PCDH9: variants seen among roughly 807,000 people sequenced by gnomAD.
The protein encoded by PCDH9 is protocadherin-9.
PCDH9 carries 24 observed loss-of-function variants against 70.6 expected under a neutral mutation model. That is an observed-to-expected ratio of 0.34 (90% CI 0.25 to 0.48). The LOEUF (loss-of-function observed/expected upper bound fraction) is 0.48. Ranked by LOEUF, PCDH9 falls within the 20% of genes least tolerant of loss-of-function variation. The pLI is 0.99. For synonymous variants in PCDH9, 562 were observed against 558.5 expected (o/e 1.01, Z -0.09); for missense variants, 1,281 against 1,503.6 (o/e 0.85, Z 2.45).
At chr13:67,052,313 G>A (rs1368114652) in intron 2 of PCDH9, among the ~76,000 whole-genome samples, 4 of 152,080 alleles carry the variant, frequency 2.6e-5, no homozygotes, top group African/African-American at 9.7e-5. Context: ...AGGGGTTAGG[G>A]AAAGGAAAGG....
intron 2 of PCDH9, among the ~76,000 whole-genome samples, chr13:67,135,900 A>G (rs189389957): frequency 6.6e-6 from 1 of 152,186 alleles, no homozygotes; most frequent in Admixed American, 6.6e-5. Context: ...ACCTTCATTT[A>G]CAATAACATA....
intron 2 of PCDH9, among the ~76,000 whole-genome samples, chr13:67,066,083 C>T (rs1306939610): frequency 6.6e-6 from 1 of 151,954 alleles, no homozygotes; most frequent in East Asian, 1.9e-4. Flanking sequence ...ATTTAGTTTT[C>T]AAAAATGATA....
chr13:66,636,199 A>G (rs1364545400), intron 3 of PCDH9, among the ~76,000 whole-genome samples: 1 of 152,150 alleles, frequency 6.6e-6, no homozygotes, highest in East Asian at 1.9e-4. Context: ...CCACACTAAA[A>G]TTTCAACACA....
intron 2 of PCDH9, among the ~76,000 whole-genome samples, chr13:66,976,568 A>G (rs1043318175): frequency 1.3e-5 from 2 of 152,120 alleles, no homozygotes; most frequent in Non-Finnish European, 2.9e-5. Flanking sequence ...CATACATACA[A>G]TATTTTACTG....
intron 2 of PCDH9, among the ~76,000 whole-genome samples, chr13:67,188,948 C>T (rs911488148): frequency 2.0e-5 from 3 of 152,016 alleles, no homozygotes; most frequent in Non-Finnish European, 4.4e-5. Flanking sequence ...TCCCACCACC[C>T]TTTTCCCCTG....
intron 3 of PCDH9, among the ~76,000 whole-genome samples, chr13:66,712,813 AG>A (rs1262085083): frequency 1.3e-5 from 2 of 152,310 alleles, no homozygotes; most frequent in African/African-American, 4.8e-5. Context: ...TGCACAAACT[AG>A]AAAAGCATAT....
Position 66,712,672 on chromosome 13 carries a change from T to C in PCDH9, c.3139-81261A>G, listed in dbSNP as rs913920183. On this transcript the variant is annotated intron_variant, in intron 3 of 4. Coordinates refer to ENST00000377865, the MANE Select transcript of PCDH9 (RefSeq NM_203487.3). Reference sequence around the variant, plus strand: ...TCATACTGGAAATTATACTGTCAGGTGATTGTCCAATTTTTATTTTCTATT... The same window carrying C: ...TCATACTGGAAATTATACTGTCAGGCGATTGTCCAATTTTTATTTTCTATT... Among the ~76,000 whole-genome samples the C allele has an allele frequency of 7.2e-5, 11 of 152,284 alleles. No individual in the cohort carries two copies. In the East Asian group the frequency reaches 2.1e-3, roughly 29 times the overall value.
chr13:66,649,157 G>T (rs1040342940), intron 3 of PCDH9, among the ~76,000 whole-genome samples: 3 of 152,090 alleles, frequency 2.0e-5, no homozygotes, highest in African/African-American at 7.2e-5. Context: ...GATAATTACT[G>T]TAAACTTCCC....
chr13:67,107,770 C>T (rs921041378), intron 2 of PCDH9, among the ~76,000 whole-genome samples: 1 of 152,184 alleles, frequency 6.6e-6, no homozygotes, highest in African/African-American at 2.4e-5. Context: ...ACAAACAGGG[C>T]TGAAATGCCC....
intron 4 of PCDH9, among the ~76,000 whole-genome samples, chr13:66,424,415 G>A (rs1957628613): frequency 6.6e-6 from 1 of 152,036 alleles, no homozygotes; most frequent in African/African-American, 2.4e-5. Flanking sequence ...CCTTTCCCTA[G>A]AGTTATTTAA....
intron 2 of PCDH9, chr13:67,214,954 A>ATATATATATATATATATATATG (rs2089563714): frequency 1.4e-5 from 1 of 72,270 alleles, no homozygotes; most frequent in Non-Finnish European, 3.0e-5. Context: ...ATATATATAT[A>ATATATATATATATATATATATG]TATATATATA....
chr13:66,426,276 A>C (rs1957668694), intron 4 of PCDH9, among the ~76,000 whole-genome samples: 1 of 151,636 alleles, frequency 6.6e-6, no homozygotes, highest in South Asian at 2.1e-4. Context: ...ATGGTAGTAC[A>C]ACCTAATGAG....
At chr13:66,889,055 T>C (rs915819236) in intron 3 of PCDH9, among the ~76,000 whole-genome samples, 6 of 152,242 alleles carry the variant, frequency 3.9e-5, no homozygotes, top group Admixed American at 3.9e-4. Flanking sequence ...GCCTTCCTCC[T>C]GCCTGTGCGG....
intron 2 of PCDH9, chr13:67,222,407 G>A (rs2089750632): frequency 6.6e-6 from 1 of 151,984 alleles, no homozygotes; most frequent in Non-Finnish European, 1.5e-5. Context: ...AGTGAATGAG[G>A]AATATGATTT....
At chr13:66,909,637 C>T (rs570318618) in intron 2 of PCDH9, among the ~76,000 whole-genome samples, 240 of 151,992 alleles carry the variant, frequency 1.6e-3, no homozygotes, top group African/African-American at 5.4e-3. Flanking sequence ...GGCGTGGTGG[C>T]GGGCGCCTGT....
intron 3 of PCDH9, among the ~76,000 whole-genome samples, chr13:66,806,394 A>T (rs1436711244): frequency 6.6e-6 from 1 of 152,118 alleles, no homozygotes; most frequent in African/African-American, 2.4e-5. Flanking sequence ...CTCTTGCTGC[A>T]GAGTTAGGTT....
At chr13:67,105,112 T>A (rs2086511979) in intron 2 of PCDH9, among the ~76,000 whole-genome samples, 1 of 152,164 alleles carries the variant, frequency 6.6e-6, no homozygotes. Flanking sequence ...GAGTTTCTGT[T>A]TCATTTATTC....
At position 66,493,182 on chromosome 13, in the gene PCDH9, T is replaced by A. The variant is rs141188736; in HGVS notation, c.3340+138028A>T. Reference sequence around the variant, plus strand: ...TTACATTTACATCTTTTTGCAGACTTGAAGTAAATCTCACATTTGTTATTT... The same window carrying A: ...TTACATTTACATCTTTTTGCAGACTAGAAGTAAATCTCACATTTGTTATTT... On this transcript the variant is annotated intron_variant, in intron 4 of 4. Transcript: ENST00000377865. Among the ~76,000 whole-genome samples the A allele has an allele frequency of 4.0e-3, 607 of 152,326 alleles. 2 individuals are homozygous for A. In the Middle Eastern group the frequency reaches 0.044, roughly 11 times the overall value.
chr13:66,571,290 A>T (rs574060413), intron 4 of PCDH9, among the ~76,000 whole-genome samples: 1 of 152,176 alleles, frequency 6.6e-6, no homozygotes, highest in South Asian at 2.1e-4. Flanking sequence ...TCTTTATATC[A>T]AACAATATCA....
Sources: allele counts gnomAD v4.1 joint callset (sites outside exome capture counted in the v4.1 genomes callset), GRCh38; gene constraint gnomAD v4.1.1; transcripts MANE v1.5; gene names NCBI Gene and HGNC (gene_info 2026-07-23, HGNC 2026-07-21).